The following MYLK variants were observed in gnomAD, a reference collection of about 807,000 sequenced individuals.
MYLK encodes myosin light chain kinase, smooth muscle.
Under a neutral mutation model 203.4 loss-of-function variants are expected in MYLK, and 106 were observed. That is an observed-to-expected ratio of 0.52 (90% CI 0.45 to 0.61). The LOEUF is 0.61. Ranked by LOEUF, MYLK falls within the 20% of genes least tolerant of loss-of-function variation. MYLK has a pLI of 0.00. For missense variants in MYLK, 2,072 were observed against 2,442.3 expected (o/e 0.85, Z 3.20); for synonymous variants, 867 against 959.5 (o/e 0.90, Z 1.78).
chr3:123,710,709 T>C (rs1262690321), intron 13 of MYLK, among the ~76,000 whole-genome samples: 1 of 152,214 alleles, frequency 6.6e-6, no homozygotes, highest in African/African-American at 2.4e-5. Flanking sequence ...GATCTAGTCA[T>C]GCTACTCCTG....
At chr3:123,743,043 A>G (rs764898850) in intron 5 of MYLK, among the ~76,000 whole-genome samples, 9 of 152,216 alleles carry the variant, frequency 5.9e-5, no homozygotes, top group Non-Finnish European at 1.0e-4. Context: ...GGAATGAGAT[A>G]GCAGTGATGG....
intron 2 of MYLK, among the ~76,000 whole-genome samples, 158 bp from the exon 3 acceptor site, chr3:123,831,828 G>T (rs983693710): frequency 9.9e-5 from 15 of 152,160 alleles, no homozygotes; most frequent in Admixed American, 6.5e-4. Context: ...TTACCGTGTG[G>T]GGGGGTTATA....
intron 24 of MYLK, among the ~76,000 whole-genome samples, chr3:123,653,100 T>C (rs544124968): frequency 1.3e-5 from 2 of 152,208 alleles, no homozygotes; most frequent in South Asian, 4.2e-4. Context: ...GTGGTGGTAG[T>C]GGTGAAGGTC....
At chr3:123,670,911 C>T (rs971479560) in intron 20 of MYLK, among the ~76,000 whole-genome samples, 1 of 152,234 alleles carries the variant, frequency 6.6e-6, no homozygotes, top group Non-Finnish European at 1.5e-5. Flanking sequence ...GCTAAGCTCA[C>T]GAGCTAAGGC....
rs2108456120 is a variant in MYLK, at chr3:123,682,278, C to T, written c.3598G>A (p.Glu1200Lys). ...CTCTTGGGCCTCCGGGATTTCATCT[C>T]TGGGGCCTTGGTGTTCTCACTGGCT... Reference protein sequence around the residue: ...APASENTKAPEMKSRRPKSSL... With the variant: ...APASENTKAPKMKSRRPKSSL... Residue 1200 changes from glutamate (E) to lysine (K), a missense_variant, in exon 20 of 34, where the codon GAG becomes AAG. Physicochemically the swap from Glu to Lys is moderately conservative, Grantham distance 56 (BLOSUM62 1). Coordinates refer to ENST00000360304, the MANE Select transcript of MYLK (RefSeq NM_053025.4). The T allele has an allele frequency of 1.2e-6, 2 of 1,604,408 alleles. No homozygotes were observed. Among genetic ancestry groups the T allele is most frequent in the Non-Finnish European group, 1.7e-6 (2 of 1,175,730 alleles).
chr3:123,829,115 G>A (rs2148615420), intron 3 of MYLK, among the ~76,000 whole-genome samples: 1 of 152,208 alleles, frequency 6.6e-6, no homozygotes, highest in East Asian at 1.9e-4. Flanking sequence ...AGGAAAAAAG[G>A]AAATCATCGA....
intron 3 of MYLK, among the ~76,000 whole-genome samples, chr3:123,818,800 A>T (rs2065829552): frequency 6.6e-6 from 1 of 152,236 alleles, no homozygotes; most frequent in African/African-American, 2.4e-5. Context: ...AGCACCTGAT[A>T]ATCTTAGTTG....
chr3:123,618,846 CTT>C (rs1240258375), intron 32 of MYLK, 76 bp from the exon 33 acceptor site: 5 of 1,594,772 alleles, frequency 3.1e-6, no homozygotes, highest in Admixed American at 1.7e-5. Flanking sequence ...AAGAAACTAA[CTT>C]TTAAAAAAGT....
At chr3:123,851,624 T>A (rs1056484745) in intron 2 of MYLK, among the ~76,000 whole-genome samples, 1 of 152,234 alleles carries the variant, frequency 6.6e-6, no homozygotes, top group African/African-American at 2.4e-5. Context: ...AAGTTGCTTA[T>A]CAGCTTAAGG....
At chr3:123,639,588 C>A (rs758961764) in intron 28 of MYLK, among the ~76,000 whole-genome samples, 3 of 152,168 alleles carry the variant, frequency 2.0e-5, no homozygotes, top group Non-Finnish European at 2.9e-5. Context: ...GTGAGCCAGG[C>A]AGGCATCTAC....
intron 1 of MYLK, among the ~76,000 whole-genome samples, chr3:123,879,749 C>T (rs2033402030): frequency 1.3e-5 from 2 of 152,342 alleles, no homozygotes; most frequent in Non-Finnish European, 2.9e-5. Context: ...ATTCTCCTGC[C>T]TCAGCCTCCC....
At chr3:123,618,467 A>C (rs2057642223) in intron 33 of MYLK, 172 bp downstream of exon 33, 1 of 767,840 alleles carries the variant, frequency 1.3e-6, no homozygotes, top group Non-Finnish European at 2.1e-6. Context: ...GTGGGAGTGC[A>C]GGGCATAGCC....
chr3:123,860,987 G>A (rs993532385), intron 2 of MYLK, among the ~76,000 whole-genome samples: 4 of 151,964 alleles, frequency 2.6e-5, no homozygotes, highest in Non-Finnish European at 5.9e-5. Context: ...AAAATTAGCC[G>A]GGCATGGTGG....
At chr3:123,881,003 A>G (rs2033500507) in intron 1 of MYLK, among the ~76,000 whole-genome samples, 1 of 152,192 alleles carries the variant, frequency 6.6e-6, no homozygotes, top group Admixed American at 6.5e-5. Flanking sequence ...TGTTGGCATC[A>G]AACGAATGGA....
chr3:123,834,992 G>A lies in MYLK; in HGVS notation c.-126-3322C>T, dbSNP rs116607489. On this transcript the variant is annotated intron_variant, in intron 2 of 33. Coordinates refer to ENST00000360304, the MANE Select transcript of MYLK (RefSeq NM_053025.4). Reference sequence around the variant, plus strand: ...CTGGGCAATGGTGCACTATAAGCATGCCCATGGAAAGGAACATAGCTCTCC... The same window carrying A: ...CTGGGCAATGGTGCACTATAAGCATACCCATGGAAAGGAACATAGCTCTCC... Among the ~76,000 whole-genome samples the A allele has an allele frequency of 5.8e-3, 888 of 152,344 alleles. 12 individuals are homozygous for A. Among genetic ancestry groups the A allele is most frequent in the African/African-American group, 0.02 (838 of 41,580 alleles).
chr3:123,791,238 G>C (rs1367000663), intron 4 of MYLK, among the ~76,000 whole-genome samples: 1 of 152,204 alleles, frequency 6.6e-6, no homozygotes, highest in African/African-American at 2.4e-5. Context: ...GGAACTGCAA[G>C]TTTTGAGTGT....
chr3:123,771,880 G>A (rs1336051576), intron 4 of MYLK, among the ~76,000 whole-genome samples: 3 of 152,176 alleles, frequency 2.0e-5, no homozygotes, highest in African/African-American at 7.2e-5. Context: ...AAAAACAATA[G>A]TTGTGGGGGT....
intron 3 of MYLK, among the ~76,000 whole-genome samples, chr3:123,810,138 C>G (rs888560272): frequency 6.6e-6 from 1 of 152,192 alleles, no homozygotes. Flanking sequence ...TGAGTGCCCA[C>G]AATACCCGCT....
chr3:123,640,009 T>C lies in MYLK; in HGVS notation c.4837+278A>G, dbSNP rs2058775851. 6.6e-6 allele frequency among the ~76,000 whole-genome samples: 1 copy of C among 152,166 alleles called. No homozygotes were observed. ...AGCTAACACCTAAGCAGTCTTACTA[T>C]GTGCAAAGCACTCTTCCCATCCCTT... On this transcript the variant is annotated intron_variant, in intron 28 of 33. Coordinates refer to ENST00000360304, the MANE Select transcript of MYLK (RefSeq NM_053025.4). This position sits in a 1 kb window ranked among gnomAD's most constrained non-coding sequence, Gnocchi z 4.3.
Sources: gnomAD v4.1 joint callset for allele counts (sites outside exome capture counted in the v4.1 genomes callset) on GRCh38, gnomAD v4.1.1 for gene constraint, Gnocchi (gnomAD v3.1) non-coding constraint, MANE v1.5 for transcripts, NCBI Gene and HGNC (gene_info 2026-07-23, HGNC 2026-07-21) for gene names.